Variants in FTCDNL1 observed in about 807,000 individuals in gnomAD.
The protein encoded by FTCDNL1 is formiminotransferase cyclodeaminase N-terminal like.
A neutral mutation model predicts 5.9 loss-of-function variants in FTCDNL1; 11 were observed. The ratio of observed to expected loss-of-function variants is 1.87; its 90% CI spans 1.18 to 3.10. FTCDNL1 has a LOEUF of 3.10. Among genes scored for constraint, FTCDNL1 ranks in the 30% most tolerant of loss-of-function variants. The pLI is 0.00. For missense variants in FTCDNL1, 115 were observed against 65.5 expected (o/e 1.76, Z -2.61); for synonymous variants, 58 against 24.8 (o/e 2.34, Z -3.99).
At chr2:199,829,469 T>C (rs1372076409) in intron 3 of FTCDNL1, among the ~76,000 whole-genome samples, 1 of 152,194 alleles carries the variant, frequency 6.6e-6, no homozygotes, top group African/African-American at 2.4e-5. Flanking sequence ...GGAGAATCGA[T>C]GCAATTAGAT....
the FTCDNL1 span, among the ~76,000 whole-genome samples, chr2:199,752,498 G>C: frequency 6.6e-6 from 1 of 152,086 alleles, no homozygotes. Flanking sequence ...CATAATGTAG[G>C]TGAGCCTCAG....
the FTCDNL1 span, among the ~76,000 whole-genome samples, chr2:199,722,508 C>T: frequency 1.3e-5 from 2 of 152,134 alleles, no homozygotes; most frequent in African/African-American, 4.8e-5. Context: ...CAGTACCATG[C>T]TGTTTTGTTT....
At chr2:199,671,585 A>G in the FTCDNL1 span, among the ~76,000 whole-genome samples, 5 of 152,194 alleles carry the variant, frequency 3.3e-5, no homozygotes, top group Admixed American at 3.3e-4. Context: ...GGCAACTAAC[A>G]AATGCCAGGT....
chr2:199,822,263 G>A (rs1472916999), intron 3 of FTCDNL1, among the ~76,000 whole-genome samples: 4 of 152,090 alleles, frequency 2.6e-5, no homozygotes, highest in Non-Finnish European at 5.9e-5. Flanking sequence ...AATTACTTGG[G>A]TGTGGTGGCA....
At chr2:199,669,204 T>C in the FTCDNL1 span, among the ~76,000 whole-genome samples, 1 of 152,168 alleles carries the variant, frequency 6.6e-6, no homozygotes, top group Admixed American at 6.5e-5. Flanking sequence ...TAACTAAATA[T>C]CATGGTTTTC....
intron 3 of FTCDNL1, among the ~76,000 whole-genome samples, chr2:199,782,855 C>A (rs1699437863): frequency 1.3e-5 from 2 of 152,202 alleles, no homozygotes; most frequent in South Asian, 4.1e-4. Context: ...CAGATCCAGC[C>A]ACTCCTTCAG....
At chr2:199,736,191 T>C in the FTCDNL1 span, among the ~76,000 whole-genome samples, 1 of 152,208 alleles carries the variant, frequency 6.6e-6, no homozygotes, top group Non-Finnish European at 1.5e-5. Flanking sequence ...CTGTAAATAT[T>C]TGACAGTGAT....
At chr2:199,831,960 A>C (rs1407827963) in intron 3 of FTCDNL1, among the ~76,000 whole-genome samples, 3 of 152,132 alleles carry the variant, frequency 2.0e-5, no homozygotes, top group African/African-American at 7.2e-5. Context: ...TAAACAGAAA[A>C]ATAATGTGCC....
At chr2:199,785,739 G>T (rs1699610298) in intron 3 of FTCDNL1, among the ~76,000 whole-genome samples, 2 of 152,232 alleles carry the variant, frequency 1.3e-5, no homozygotes, top group East Asian at 3.9e-4. Context: ...AGCCTCCCAA[G>T]TACAGGTCCT....
At chr2:199,732,610 G>A in the FTCDNL1 span, among the ~76,000 whole-genome samples, 1 of 151,068 alleles carries the variant, frequency 6.6e-6, no homozygotes, top group African/African-American at 2.4e-5. Context: ...AGATCTCCAG[G>A]ACATATCACT....
At chr2:199,730,405 A>G in the FTCDNL1 span, among the ~76,000 whole-genome samples, 3 of 152,238 alleles carry the variant, frequency 2.0e-5, no homozygotes, top group Non-Finnish European at 4.4e-5. Context: ...TTAATAGGCA[A>G]TCTACAGAAT....
intron 3 of FTCDNL1, among the ~76,000 whole-genome samples, chr2:199,782,425 C>A (rs967119266): frequency 2.0e-5 from 3 of 152,126 alleles, no homozygotes; most frequent in Non-Finnish European, 4.4e-5. Flanking sequence ...TTTCCATCAC[C>A]CCACTATGTT....
chr2:199,783,428 T>C (rs900279522), intron 3 of FTCDNL1, among the ~76,000 whole-genome samples: 1 of 152,220 alleles, frequency 6.6e-6, no homozygotes, highest in Admixed American at 6.5e-5. Flanking sequence ...TTTGGGTCTT[T>C]TGATCCACCC....
At chr2:199,789,042 A>C (rs1699795967) in intron 3 of FTCDNL1, among the ~76,000 whole-genome samples, 1 of 151,784 alleles carries the variant, frequency 6.6e-6, no homozygotes, top group South Asian at 2.1e-4. Flanking sequence ...AAAAGAAGTC[A>C]CTAGGGCAAT....
rs1161184134 is a variant in FTCDNL1 at position 199,782,432 on chromosome 2, T to C, written c.212-21597A>G. On this transcript the variant is annotated intron_variant, in intron 3 of 3. Transcript: ENST00000416668. ...ATAGAACATTTCCATCACCCCACTATGTTCTTTTGTGACCCTTTTCAATTT... is the reference window on the plus strand; with the variant it reads ...ATAGAACATTTCCATCACCCCACTACGTTCTTTTGTGACCCTTTTCAATTT... Among the ~76,000 whole-genome samples the C allele has an allele frequency of 2.6e-5, 4 of 152,202 alleles. No homozygotes were observed. In the East Asian group the frequency reaches 7.7e-4, roughly 29 times the overall value.
chr2:199,770,656 C>T (rs914020995), intron 3 of FTCDNL1, among the ~76,000 whole-genome samples: 1 of 152,162 alleles, frequency 6.6e-6, no homozygotes. Flanking sequence ...ATTAACCACC[C>T]AGACAAAGAC....
At chr2:199,744,912 C>T in the FTCDNL1 span, among the ~76,000 whole-genome samples, 26 of 152,310 alleles carry the variant, frequency 1.7e-4, no homozygotes, top group African/African-American at 5.5e-4. Context: ...GGAAAACGCC[C>T]GTTCCTCGCA....
At chr2:199,715,634 T>A in the FTCDNL1 span, among the ~76,000 whole-genome samples, 2 of 152,138 alleles carry the variant, frequency 1.3e-5, no homozygotes, top group African/African-American at 2.4e-5. Context: ...TAATACAGCA[T>A]AACACACAAT....
chr2:199,795,061 A>G (rs1260764526), intron 3 of FTCDNL1, among the ~76,000 whole-genome samples: 1 of 152,194 alleles, frequency 6.6e-6, no homozygotes, highest in Non-Finnish European at 1.5e-5. Flanking sequence ...ACTTAACTTC[A>G]GTTAAGCATT....
Sources: allele counts gnomAD v4.1 joint callset (sites outside exome capture counted in the v4.1 genomes callset), GRCh38; gene constraint gnomAD v4.1.1; transcripts MANE v1.5; gene names NCBI Gene and HGNC (gene_info 2026-07-23, HGNC 2026-07-21).